PIP4P2: variants seen among roughly 807,000 people sequenced by gnomAD.
The protein encoded by PIP4P2 is phosphatidylinositol-4,5-bisphosphate 4-phosphatase 2, also known as type 2 phosphatidylinositol 4,5-bisphosphate 4-phosphatase.
A neutral mutation model predicts 33.3 loss-of-function variants in PIP4P2; 19 were observed. That is an observed-to-expected ratio of 0.57 (90% CI 0.40 to 0.84). The LOEUF (loss-of-function observed/expected upper bound fraction) is 0.84. Ranked by LOEUF, PIP4P2 falls within the 40% of genes least tolerant of loss-of-function variation. The pLI, the probability that PIP4P2 is intolerant of heterozygous loss-of-function variation, is 0.00. For missense variants in PIP4P2, 270 were observed against 324.7 expected (o/e 0.83, Z 1.29); for synonymous variants, 110 against 111.9 (o/e 0.98, Z 0.11).
At chr8:91,011,007 T>C (rs1032575644) in intron 4 of PIP4P2, among the ~76,000 whole-genome samples, 17 of 136,802 alleles carry the variant, frequency 1.2e-4, no homozygotes, top group African/African-American at 4.5e-4. Flanking sequence ...TTTAATTTTA[T>C]AGTATCTTAC....
At chr8:91,022,770 AT>A (rs1423717390) in intron 1 of PIP4P2, among the ~76,000 whole-genome samples, 3 of 152,126 alleles carry the variant, frequency 2.0e-5, no homozygotes, top group Non-Finnish European at 4.4e-5. Flanking sequence ...ATAATATAGG[AT>A]TTTTTTCAGA....
chr8:91,039,995 A>G (rs190314227), intron 1 of PIP4P2, among the ~76,000 whole-genome samples: 2 of 152,308 alleles, frequency 1.3e-5, no homozygotes, highest in East Asian at 3.9e-4. Flanking sequence ...CCCTTCTATG[A>G]GAAGTAAGGT....
chr8:90,998,036 G>C (rs1161384804), intron 5 of PIP4P2, among the ~76,000 whole-genome samples: 1 of 151,998 alleles, frequency 6.6e-6, no homozygotes, highest in African/African-American at 2.4e-5. Flanking sequence ...AGAGTTACTA[G>C]GGCATGCAGG....
chr8:91,021,708 A>G lies in PIP4P2; in HGVS notation c.107-304T>C, dbSNP rs557389955. ...ACTCCATTCCTATTAGTAAATTCAT[A>G]CAGTCTCTAACAGGAGAGTGGTAAT... On this transcript the variant is annotated intron_variant, in intron 1 of 6. Coordinates refer to ENST00000285419, the MANE Select transcript of PIP4P2 (RefSeq NM_018710.3). 6.6e-5 allele frequency among the ~76,000 whole-genome samples: 10 copies of G among 152,302 alleles called. No individual in the cohort carries two copies. In the South Asian group the frequency reaches 2.1e-3, roughly 32 times the overall value.
chr8:91,013,936 A>T (rs911602459), intron 4 of PIP4P2, among the ~76,000 whole-genome samples: 2 of 152,228 alleles, frequency 1.3e-5, no homozygotes, highest in Non-Finnish European at 2.9e-5. Context: ...TATAAATGTA[A>T]CAAAGGAGAC....
At chr8:91,021,857 C>T (rs528796386) in intron 1 of PIP4P2, among the ~76,000 whole-genome samples, 2 of 152,220 alleles carry the variant, frequency 1.3e-5, no homozygotes, top group South Asian at 4.1e-4. Context: ...CATGCTCTGT[C>T]TTTATATTGG....
chr8:91,010,768 G>C (rs1260399986), intron 4 of PIP4P2, among the ~76,000 whole-genome samples: 1 of 151,570 alleles, frequency 6.6e-6, no homozygotes, highest in Non-Finnish European at 1.5e-5. Flanking sequence ...GCCAGACCTT[G>C]AAGTCTCATT....
In PIP4P2 at chr8:91,040,780, C is replaced by CG; in HGVS notation, c.-32dup. The CG allele has an allele frequency of 1.2e-6, 2 of 1,604,432 alleles. No homozygotes were observed. The highest frequency in any genetic ancestry group is 2.2e-5 in the South Asian group (2 of 90,764). ...CGGCAGCGGCGGGGCCTGGGGAGGC[C>CG]GAGCCGGGGTTGCGGCCTCGGCGGA... On this transcript the variant is annotated 5_prime_UTR_variant, in exon 1 of 7. Transcript: ENST00000285419.
intron 4 of PIP4P2, among the ~76,000 whole-genome samples, chr8:91,015,861 C>T (rs901006142): frequency 1.3e-5 from 2 of 152,146 alleles, no homozygotes; most frequent in South Asian, 2.1e-4. Flanking sequence ...GAGGAAGTAA[C>T]TTGTGGAATG....
intron 1 of PIP4P2, among the ~76,000 whole-genome samples, chr8:91,026,274 C>T (rs1812082854): frequency 6.6e-6 from 1 of 152,106 alleles, no homozygotes; most frequent in Non-Finnish European, 1.5e-5. Context: ...TATTACTTCA[C>T]CCTGGCAGTG....
At chr8:91,011,380 T>A (rs1238288192) in intron 4 of PIP4P2, among the ~76,000 whole-genome samples, 1 of 152,056 alleles carries the variant, frequency 6.6e-6, no homozygotes, top group African/African-American at 2.4e-5. Flanking sequence ...AGAAACTTCT[T>A]TGCATTTATG....
At chr8:91,006,149 C>G (rs1371849939) in intron 5 of PIP4P2, among the ~76,000 whole-genome samples, 2 of 152,142 alleles carry the variant, frequency 1.3e-5, no homozygotes, top group Non-Finnish European at 2.9e-5. Flanking sequence ...GAATCTTACT[C>G]CAACAGATGA....
At chr8:91,026,239 G>C (rs765932478) in intron 1 of PIP4P2, among the ~76,000 whole-genome samples, 1 of 152,094 alleles carries the variant, frequency 6.6e-6, no homozygotes, top group Non-Finnish European at 1.5e-5. Context: ...TCTGCTTGCT[G>C]TTTCTCTGAA....
chr8:91,040,778 G>A lies in PIP4P2; in HGVS notation c.-29C>T. On this transcript the variant is annotated 5_prime_UTR_variant, in exon 1 of 7. Coordinates refer to ENST00000285419, the MANE Select transcript of PIP4P2 (RefSeq NM_018710.3). ...TGCGGCAGCGGCGGGGCCTGGGGAG[G>A]CCGAGCCGGGGTTGCGGCCTCGGCG... The A allele has an allele frequency of 1.9e-6, 3 of 1,605,184 alleles. No homozygotes were observed. Among genetic ancestry groups the A allele is most frequent in the South Asian group, 2.2e-5 (2 of 90,792 alleles).
chr8:91,019,484 A>AGT (rs1192767345), intron 3 of PIP4P2, among the ~76,000 whole-genome samples: 1 of 145,722 alleles, frequency 6.9e-6, no homozygotes, highest in African/African-American at 2.5e-5. Context: ...AGGAGGCTAT[A>AGT]GTGGGAAGGC....
intron 1 of PIP4P2, among the ~76,000 whole-genome samples, chr8:91,028,765 T>C (rs1812118337): frequency 6.6e-6 from 1 of 152,200 alleles, no homozygotes; most frequent in Non-Finnish European, 1.5e-5. Flanking sequence ...GCAAGGATGG[T>C]GATACCCATC....
At chr8:91,029,546 T>C (rs1416613279) in intron 1 of PIP4P2, among the ~76,000 whole-genome samples, 2 of 152,152 alleles carry the variant, frequency 1.3e-5, no homozygotes, top group African/African-American at 4.8e-5. Flanking sequence ...CATCCTTCCT[T>C]ATTTTCTCAG....
chr8:91,009,966 T>C (rs1334396486), intron 4 of PIP4P2, among the ~76,000 whole-genome samples: 1 of 151,924 alleles, frequency 6.6e-6, no homozygotes, highest in East Asian at 1.9e-4. Context: ...ACAAAATGAT[T>C]ATTTTTAAAC....
Position 91,040,501 on chromosome 8 carries a change from G to A in PIP4P2, c.106+143C>T, listed in dbSNP as rs149508061. ...CTATCAGGCAGGCGGGCTTGCCTGG[G>A]AAGGCACAGTCAGCATCCTTCCTCA... is the stretch of plus-strand genomic sequence containing the variant. On this transcript the variant is annotated intron_variant, in intron 1 of 6. Transcript: ENST00000285419. 3.8e-4 allele frequency: 341 copies of A among 905,968 alleles called. 3 individuals carry two copies. The East Asian group carries it at 9.0e-3, about 24-fold the overall frequency. The allele number at this position is 905,968 out of a possible 1,614,324, so 56.1% of individuals were successfully genotyped here.
Sources: allele counts gnomAD v4.1 joint callset (sites outside exome capture counted in the v4.1 genomes callset), GRCh38; gene constraint gnomAD v4.1.1; transcripts MANE v1.5; gene names NCBI Gene and HGNC (gene_info 2026-07-23, HGNC 2026-07-21).